The following TFEC variants were observed in gnomAD, a reference collection of about 807,000 sequenced individuals.
TFEC encodes the protein transcription factor EC, also known as class E basic helix-loop-helix protein 34.
In TFEC, 31 loss-of-function variants were observed where a neutral mutation model predicts 41.6. The observed-to-expected ratio is 0.74, with a 90% CI of 0.56 to 1.01. TFEC has a LOEUF of 1.01. Among genes scored for constraint, TFEC ranks in the 50% least tolerant of loss-of-function variants. The probability of loss-of-function intolerance (pLI) is 0.00; values close to 1 mark genes in which losing one functional copy is unlikely to be tolerated. For missense variants in TFEC, 402 were observed against 404.1 expected, an observed-to-expected ratio of 0.99 and a Z score of 0.04; for synonymous variants, 143 against 140.6, an observed-to-expected ratio of 1.02 and a Z score of -0.12.
At chr7:116,158,960 T>C (rs1020107171) in intron 1 of TFEC, among the ~76,000 whole-genome samples, 24 of 152,056 alleles carry the variant, frequency 1.6e-4, no homozygotes, top group African/African-American at 5.1e-4. Context: ...ATTTATTATA[T>C]AATTTGTCAT....
chr7:116,068,830 C>T (rs1233224746), intron 3 of TFEC, among the ~76,000 whole-genome samples: 3 of 151,424 alleles, frequency 2.0e-5, no homozygotes, highest in Non-Finnish European at 3.0e-5. Flanking sequence ...TCAACTTTCT[C>T]TCATTTTTCG....
chr7:116,139,383 G>A (rs1002299028), intron 1 of TFEC, among the ~76,000 whole-genome samples: 3 of 152,140 alleles, frequency 2.0e-5, no homozygotes, highest in Non-Finnish European at 2.9e-5. Flanking sequence ...TCAGAACAAT[G>A]ATCCATTCTC....
At chr7:116,014,504 A>T (rs181182636) in intron 1 of TFEC, among the ~76,000 whole-genome samples, 1 of 152,150 alleles carries the variant, frequency 6.6e-6, no homozygotes, top group Admixed American at 6.5e-5. Context: ...AAGAAAAAAA[A>T]TTCATTGAAA....
chr7:116,037,329 C>G (rs1386086849), intron 3 of TFEC, among the ~76,000 whole-genome samples: 1 of 151,888 alleles, frequency 6.6e-6, no homozygotes, highest in Non-Finnish European at 1.5e-5. Flanking sequence ...CTTAGCTTCC[C>G]TCCTAAAAAT....
intron 3 of TFEC, among the ~76,000 whole-genome samples, chr7:116,069,137 C>T (rs1796765080): frequency 6.6e-6 from 1 of 151,492 alleles, no homozygotes; most frequent in African/African-American, 2.4e-5. Flanking sequence ...ACCAGAGGCA[C>T]TCTAAAGATC....
At chr7:115,973,501 T>C (rs1362182393) in intron 3 of TFEC, among the ~76,000 whole-genome samples, 2 of 151,970 alleles carry the variant, frequency 1.3e-5, no homozygotes, top group South Asian at 2.1e-4. Flanking sequence ...CTTCAAAATA[T>C]GTTGAAAGAG....
Position 116,108,784 on chromosome 7 carries a change from C to A in TFEC, c.198+1924G>T, listed in dbSNP as rs368055210. On this transcript the variant is annotated intron_variant, in intron 3 of 8. Transcript: ENST00000484212. ...TCTACCTACACACACTGTGATAGAC[C>A]CTCTACAAAACGTAATCTTCAGTCA... 7.9e-5 allele frequency among the ~76,000 whole-genome samples: 12 copies of A among 152,224 alleles called. No individual in the cohort carries two copies. In the East Asian group the frequency reaches 1.9e-3, roughly 25 times the overall value.
chr7:116,156,247 A>G (rs141864250), intron 1 of TFEC, among the ~76,000 whole-genome samples: 1 of 152,308 alleles, frequency 6.6e-6, no homozygotes, highest in East Asian at 1.9e-4. Flanking sequence ...AATCATATTC[A>G]AAGACAGCTC....
chr7:116,108,901 A>C (rs1584526859), intron 3 of TFEC, among the ~76,000 whole-genome samples: 1 of 152,154 alleles, frequency 6.6e-6, no homozygotes, highest in East Asian at 1.9e-4. Context: ...TCAGAGAGCC[A>C]ACAATGCAGA....
At chr7:116,151,720 T>C (rs1192743924) in intron 1 of TFEC, among the ~76,000 whole-genome samples, 1 of 152,094 alleles carries the variant, frequency 6.6e-6, no homozygotes. Context: ...AATTTTTATA[T>C]TTGGGAGATT....
At chr7:116,105,392 A>C (rs10953807) in intron 3 of TFEC, among the ~76,000 whole-genome samples, 23,106 of 152,202 alleles carry the variant, frequency 0.15, 1,791 homozygotes, top group East Asian at 0.25. Flanking sequence ...TGAGCTACAA[A>C]TCCAAGTATG....
chr7:116,023,462 C>T (rs549034653), intron 1 of TFEC, among the ~76,000 whole-genome samples: 6 of 152,174 alleles, frequency 3.9e-5, no homozygotes, highest in Middle Eastern at 3.4e-3. Flanking sequence ...GTGTTTTCTT[C>T]GGTGATTTTT....
intron 3 of TFEC, chr7:116,110,621 T>C (rs1388216344): frequency 3.0e-6 from 3 of 987,818 alleles, no homozygotes; most frequent in Admixed American, 4.2e-5. Context: ...CTTCAATTTT[T>C]TGAGTACAAT....
intron 1 of TFEC, among the ~76,000 whole-genome samples, chr7:116,018,385 A>G (rs1429098129): frequency 6.6e-6 from 1 of 152,208 alleles, no homozygotes; most frequent in East Asian, 1.9e-4. Flanking sequence ...TCCAGGGTTA[A>G]TGGATGTATG....
intron 1 of TFEC, among the ~76,000 whole-genome samples, chr7:116,113,360 C>T (rs1277909993): frequency 6.6e-6 from 1 of 151,772 alleles, no homozygotes; most frequent in Admixed American, 6.6e-5. Context: ...AGAAAAGAAT[C>T]CCAAGTGATG....
intron 3 of TFEC, among the ~76,000 whole-genome samples, chr7:116,091,357 T>A (rs931618261): frequency 1.3e-5 from 2 of 152,166 alleles, no homozygotes; most frequent in Admixed American, 6.5e-5. Flanking sequence ...TTAAACAATG[T>A]AAAATCCTAA....
chr7:116,051,958 G>C (rs1377234013), intron 3 of TFEC, among the ~76,000 whole-genome samples: 1 of 151,926 alleles, frequency 6.6e-6, no homozygotes, highest in East Asian at 1.9e-4. Context: ...TAGAACTCAA[G>C]TCCTTTGTTC....
chr7:116,084,161 C>T (rs77891189), intron 3 of TFEC, among the ~76,000 whole-genome samples: 2,707 of 152,014 alleles, frequency 0.018, 39 homozygotes, highest in Non-Finnish European at 0.027. Flanking sequence ...CTGTGCCCAG[C>T]CACCTTGTAT....
At chr7:116,059,959 A>C (rs1796514651) in intron 3 of TFEC, among the ~76,000 whole-genome samples, 1 of 152,102 alleles carries the variant, frequency 6.6e-6, no homozygotes, top group Admixed American at 6.6e-5. Flanking sequence ...AGTTTTTATG[A>C]GTTCAATAAG....
Sources: gnomAD v4.1 joint callset for allele counts (sites outside exome capture counted in the v4.1 genomes callset) on GRCh38, gnomAD v4.1.1 for gene constraint, MANE v1.5 for transcripts, NCBI Gene and HGNC (gene_info 2026-07-23, HGNC 2026-07-21) for gene names.